Variants in CRYL1 observed in about 807,000 individuals in gnomAD.
CRYL1 encodes the protein crystallin lambda 1.
In CRYL1, 29 loss-of-function variants were observed where a neutral mutation model predicts 36.6. The ratio of observed to expected loss-of-function variants is 0.79; its 90% CI spans 0.59 to 1.08. CRYL1 has a LOEUF of 1.08. Among genes scored for constraint, CRYL1 ranks in the 50% least tolerant of loss-of-function variants. The pLI is 0.00. For synonymous variants in CRYL1, 152 were observed against 151.5 expected (o/e 1.00, Z -0.02); for missense variants, 411 against 407.9 (o/e 1.01, Z -0.06).
rs895712603 is a variant in CRYL1 at position 20,411,375 on chromosome 13, G to C, written c.739+1907C>G. On this transcript the variant is annotated intron_variant, in intron 6 of 7. Coordinates refer to ENST00000298248, the MANE Select transcript of CRYL1 (RefSeq NM_015974.3). ...GTCTGCCACTCTATTTGATTCTTGA[G>C]TTTCTGGTTTCATTGGCTTCTGTTT... 1.4e-4 allele frequency among the ~76,000 whole-genome samples: 22 copies of C among 152,168 alleles called. No homozygotes were observed. The East Asian group carries it at 3.1e-3, about 21-fold the overall frequency.
intron 5 of CRYL1, chr13:20,430,367 A>G: frequency 5.1e-6 from 5 of 985,384 alleles, no homozygotes; most frequent in Non-Finnish European, 6.0e-6. Context: ...AGCAGCCAAC[A>G]CAGAGACATA....
intron 2 of CRYL1, among the ~76,000 whole-genome samples, chr13:20,507,506 C>T (rs973480983): frequency 4.6e-5 from 7 of 152,210 alleles, no homozygotes; most frequent in African/African-American, 1.7e-4. Flanking sequence ...CAGAGATTCA[C>T]GGGTCTCCTC....
chr13:20,422,455 A>G (rs895789913), intron 5 of CRYL1, among the ~76,000 whole-genome samples: 6 of 152,094 alleles, frequency 3.9e-5, no homozygotes, highest in African/African-American at 1.2e-4. Context: ...AGTTGACATT[A>G]TCCCTGCGAA....
At chr13:20,496,960 T>C (rs1414283334) in intron 2 of CRYL1, among the ~76,000 whole-genome samples, 1 of 150,776 alleles carries the variant, frequency 6.6e-6, no homozygotes, top group Non-Finnish European at 1.5e-5. Flanking sequence ...GTCAGGTAAA[T>C]GATTGAATGA....
chr13:20,416,449 T>C (rs575650468), intron 5 of CRYL1, among the ~76,000 whole-genome samples: 2 of 152,174 alleles, frequency 1.3e-5, no homozygotes, highest in East Asian at 3.9e-4. Flanking sequence ...GCAGGAAGGG[T>C]GGCTCCCTGC....
intron 3 of CRYL1, among the ~76,000 whole-genome samples, chr13:20,446,906 A>G (rs1456528973): frequency 1.3e-5 from 2 of 152,230 alleles, no homozygotes; most frequent in Non-Finnish European, 2.9e-5. Context: ...GAACTGAAAA[A>G]GAAAAGAGCC....
chr13:20,471,702 A>G (rs888821734), intron 3 of CRYL1, among the ~76,000 whole-genome samples: 16 of 152,186 alleles, frequency 1.1e-4, no homozygotes, highest in African/African-American at 3.4e-4. Flanking sequence ...TTTCCTATTA[A>G]TAATACAGTC....
At chr13:20,456,471 T>C (rs1251126149) in intron 3 of CRYL1, among the ~76,000 whole-genome samples, 32 of 123,462 alleles carry the variant, frequency 2.6e-4, no homozygotes, top group African/African-American at 9.3e-4. Context: ...TGAGACTCCG[T>C]CTCAAAACAA....
In CRYL1 at chr13:20,512,545, A is replaced by ACTC; in HGVS notation, c.44_46dup (p.Gly15dup). The ACTC allele has an allele frequency of 6.2e-7, 1 of 1,611,798 alleles. No individual in the cohort carries two copies. Among genetic ancestry groups the ACTC allele is most frequent in the Non-Finnish European group, 8.5e-7 (1 of 1,178,132 alleles). On this transcript the variant is annotated inframe_insertion, in exon 2 of 8. Transcript: ENST00000298248. ...CAGCATGGCCCAGCTTCGCCCAATG[A>ACTC]CTCCACTGAAGGGAGATAAAAGAAA...
At chr13:20,504,984 C>G (rs114203795) in intron 2 of CRYL1, among the ~76,000 whole-genome samples, 1,947 of 152,236 alleles carry the variant, frequency 0.013, 56 homozygotes, top group African/African-American at 0.045. Flanking sequence ...TTTAATAGGT[C>G]TAACACACAC....
chr13:20,521,733 G>C (rs1299596673), intron 1 of CRYL1, among the ~76,000 whole-genome samples: 1 of 152,122 alleles, frequency 6.6e-6, no homozygotes, highest in Admixed American at 6.5e-5. Flanking sequence ...TGATATAATT[G>C]CTTCAATTCT....
intron 3 of CRYL1, among the ~76,000 whole-genome samples, chr13:20,476,483 C>T (rs1352177673): frequency 6.6e-6 from 1 of 152,188 alleles, no homozygotes; most frequent in Admixed American, 6.5e-5. Flanking sequence ...TGATTTCCCC[C>T]AGTGGTTCAA....
chr13:20,476,354 CA>C (rs34453641), intron 3 of CRYL1, among the ~76,000 whole-genome samples: 14,991 of 98,464 alleles, frequency 0.15, 1,030 homozygotes, highest in Admixed American at 0.24. Context: ...AACTCCATCT[CA>C]AAAAAAAAAA....
Position 20,439,717 on chromosome 13 carries a change from A to ATCT in CRYL1, c.311_313dup (p.Lys104dup). On this transcript the variant is annotated inframe_insertion, in exon 4 of 8. Coordinates refer to ENST00000298248, the MANE Select transcript of CRYL1 (RefSeq NM_015974.3). Reference sequence around the variant, plus strand: ...AATGATGGAATCTAACTGAGCAAAAATCTTCTTCTTCAGTTCTAGATCTTC... The same window carrying ATCT: ...AATGATGGAATCTAACTGAGCAAAAATCTTCTTCTTCTTCAGTTCTAGATCTTC... The ATCT allele has an allele frequency of 6.2e-7, 1 of 1,614,074 alleles. No homozygotes were observed. The highest frequency in any genetic ancestry group is 8.5e-7 in the Non-Finnish European group (1 of 1,179,972).
intron 5 of CRYL1, 120 bp from the exon 6 acceptor site, chr13:20,413,507 G>A (rs1475670003): frequency 4.9e-6 from 3 of 614,694 alleles, no homozygotes; most frequent in Non-Finnish European, 8.8e-6. Flanking sequence ...CACTATACAG[G>A]GTGAGTACCA....
intron 2 of CRYL1, among the ~76,000 whole-genome samples, chr13:20,496,838 C>T (rs1300537448): frequency 2.9e-5 from 2 of 68,602 alleles, no homozygotes; most frequent in African/African-American, 4.8e-5. Flanking sequence ...GAGCAAGACC[C>T]CGTCTCAAAA....
intron 3 of CRYL1, among the ~76,000 whole-genome samples, chr13:20,476,003 G>A (rs972806141): frequency 5.3e-5 from 8 of 152,136 alleles, no homozygotes; most frequent in African/African-American, 1.7e-4. Flanking sequence ...CCTGCCCCAC[G>A]CACACGGCAG....
intron 1 of CRYL1, among the ~76,000 whole-genome samples, chr13:20,518,359 A>G (rs1463399515): frequency 6.6e-6 from 1 of 152,194 alleles, no homozygotes; most frequent in Non-Finnish European, 1.5e-5. Flanking sequence ...ACATTTTAGC[A>G]ACGGAGGTAA....
chr13:20,497,522 GACACCAC>G (rs1393552043), intron 2 of CRYL1, among the ~76,000 whole-genome samples: 1 of 106,842 alleles, frequency 9.4e-6, no homozygotes, highest in African/African-American at 3.8e-5. Context: ...ATACGCACTA[GACACCAC>G]ACACCACACA....
Sources: gnomAD v4.1 joint callset for allele counts (sites outside exome capture counted in the v4.1 genomes callset) on GRCh38, gnomAD v4.1.1 for gene constraint, MANE v1.5 for transcripts, NCBI Gene and HGNC (gene_info 2026-07-23, HGNC 2026-07-21) for gene names.